NEXMIF: variants seen among roughly 807,000 people sequenced by gnomAD.
NEXMIF encodes the protein XLMR protein related to neurite extension.
In NEXMIF, 8 loss-of-function variants were observed where a neutral mutation model predicts 62.1. The ratio of observed to expected loss-of-function variants is 0.13; its 90% CI spans 0.08 to 0.23. The LOEUF is 0.23. NEXMIF is among the 10% of genes least tolerant of loss of function. The pLI is 1.00. For missense variants in NEXMIF, 976 were observed against 1,113.3 expected, an observed-to-expected ratio of 0.88 and a Z score of 1.75; for synonymous variants, 404 against 416.6, an observed-to-expected ratio of 0.97 and a Z score of 0.37.
At chrX:74,789,242 G>A (rs1260074962) in intron 1 of NEXMIF, among the ~76,000 whole-genome samples, 53 of 104,423 alleles carry the variant, frequency 5.1e-4, no homozygotes, top group South Asian at 1.8e-3. Flanking sequence ...TTTTGTTCTT[G>A]TGATAGTTTA....
At chrX:74,760,900 C>T (rs2080173905) in intron 1 of NEXMIF, among the ~76,000 whole-genome samples, 1 of 108,971 alleles carries the variant, frequency 9.2e-6, no homozygotes, top group Non-Finnish European at 1.9e-5. Flanking sequence ...TGGAGTCTCA[C>T]TCTGTTGCCC....
chrX:74,815,659 G>A (rs1323381398), intron 1 of NEXMIF, among the ~76,000 whole-genome samples: 3 of 102,725 alleles, frequency 2.9e-5, no homozygotes, highest in Non-Finnish European at 5.9e-5. Context: ...TTTTGAGATG[G>A]AGTCTCGCTC....
chrX:74,741,153 T>C lies in NEXMIF; in HGVS notation c.3404A>G (p.Gln1135Arg). ...MEDGFTLNNH[Q>R]FQFHMFNDED... ...ATCATTGAACATATGGAACTGAAACTGGTGATTATTTAAAGTAAATCCATC... is the reference window on the plus strand; with the variant it reads ...ATCATTGAACATATGGAACTGAAACCGGTGATTATTTAAAGTAAATCCATC... The change falls in exon 3 of 4, where the codon CAG (glutamine) becomes CGG (arginine). Residue 1135 changes from glutamine to arginine, a missense_variant. This residue lies in a region of NEXMIF where 639 missense variants were observed against 694.5 expected (regional missense o/e 0.92). Coordinates refer to ENST00000055682, the MANE Select transcript of NEXMIF (RefSeq NM_001008537.3). 8.3e-7 allele frequency: 1 copy of C among 1,210,607 alleles called. No homozygotes were observed.
intron 1 of NEXMIF, among the ~76,000 whole-genome samples, chrX:74,819,790 G>T (rs1317313678): frequency 8.9e-6 from 1 of 111,872 alleles, no homozygotes; most frequent in Non-Finnish European, 1.9e-5. Context: ...GATCCCTCAA[G>T]ATTCTAGAAC....
chrX:74,857,010 T>A (rs2080537522), intron 1 of NEXMIF, among the ~76,000 whole-genome samples: 1 of 112,378 alleles, frequency 8.9e-6, no homozygotes, highest in Non-Finnish European at 1.9e-5. Flanking sequence ...TCCCAGCAGT[T>A]GGAATGTGAG....
At chrX:74,803,322 G>A (rs1049226322) in intron 1 of NEXMIF, among the ~76,000 whole-genome samples, 2 of 111,717 alleles carry the variant, frequency 1.8e-5, no homozygotes, top group East Asian at 2.8e-4. Flanking sequence ...AGGCTGAGGC[G>A]GGCAGATCAT....
intron 1 of NEXMIF, among the ~76,000 whole-genome samples, chrX:74,900,457 C>T (rs747234906): frequency 2.7e-3 from 209 of 76,999 alleles, no homozygotes; most frequent in African/African-American, 9.1e-3. Flanking sequence ...AGTGAGACTC[C>T]GTCTCAAAAA....
At chrX:74,904,791 T>G (rs1179164631) in intron 1 of NEXMIF, among the ~76,000 whole-genome samples, 2 of 111,217 alleles carry the variant, frequency 1.8e-5, no homozygotes, top group Non-Finnish European at 3.8e-5. Flanking sequence ...GAGTACAATA[T>G]TCAATGAATG....
intron 1 of NEXMIF, among the ~76,000 whole-genome samples, chrX:74,851,094 C>T (rs1297095019): frequency 1.8e-5 from 2 of 109,435 alleles, no homozygotes; most frequent in African/African-American, 6.7e-5. Flanking sequence ...TCTAAAGCTT[C>T]AACAATAGAC....
intron 1 of NEXMIF, among the ~76,000 whole-genome samples, chrX:74,837,500 T>C (rs182268614): frequency 8.9e-6 from 1 of 112,336 alleles, no homozygotes; most frequent in East Asian, 2.8e-4. Context: ...CAGAAGACCG[T>C]ATCATTATAA....
At chrX:74,773,737 G>A (rs1034701332) in intron 1 of NEXMIF, among the ~76,000 whole-genome samples, 5 of 108,642 alleles carry the variant, frequency 4.6e-5, no homozygotes, top group Non-Finnish European at 7.6e-5. Context: ...GCAAAACCCC[G>A]TCTCTAACTA....
rs147537726 is a variant in NEXMIF at position 74,741,056 on chromosome X, A to T, written c.3501T>A (p.Ser1167Arg). The T allele has an allele frequency of 7.4e-6, 9 of 1,211,292 alleles. No individual in the cohort carries two copies. The highest frequency in any genetic ancestry group is 7.8e-6 in the Non-Finnish European group (7 of 895,206). ...TTGATTTTGACACTTTGTTGTTGGT[A>T]CTAATTTGACCAGATGGATCATTAA... The part of the protein sequence containing the change: ...STFNDPSGQI[S>R]TNNKVSKSRK... The change falls in exon 3 of 4, where the codon AGT (serine) becomes AGA (arginine). Residue 1167 changes from serine (S) to arginine (R), a missense_variant. By Grantham distance (110) the Ser-to-Arg change is moderately radical. Transcript: ENST00000055682.
At chrX:74,768,395 C>T (rs945290507) in intron 1 of NEXMIF, among the ~76,000 whole-genome samples, 12 of 112,312 alleles carry the variant, frequency 1.1e-4, no homozygotes, top group South Asian at 3.7e-4. Context: ...GAAAGCAGCA[C>T]GCATTAGCTG....
chrX:74,899,351 T>C (rs1376192691), intron 1 of NEXMIF, among the ~76,000 whole-genome samples: 1 of 111,525 alleles, frequency 9.0e-6, no homozygotes, highest in African/African-American at 3.3e-5. Flanking sequence ...CAAAAAAAAC[T>C]GTTAGAACTG....
chrX:74,857,748 C>A (rs931810899), intron 1 of NEXMIF, among the ~76,000 whole-genome samples: 3 of 112,101 alleles, frequency 2.7e-5, no homozygotes, highest in Non-Finnish European at 5.6e-5. Flanking sequence ...GATGGCATTT[C>A]TGGACCTGCC....
Position 74,741,741 on chromosome X carries a change from T to C in NEXMIF, c.2816A>G (p.Asn939Ser). The C allele has an allele frequency of 8.3e-7, 1 of 1,211,214 alleles. No homozygotes were observed. Among genetic ancestry groups the C allele is most frequent in the Non-Finnish European group, 1.1e-6 (1 of 895,006 alleles). The change falls in exon 3 of 4, where the codon AAT (asparagine) becomes AGT (serine). Residue 939 changes from asparagine to serine, a missense_variant. Asn to Ser is a conservative substitution (Grantham distance 46). Coordinates refer to ENST00000055682, the MANE Select transcript of NEXMIF (RefSeq NM_001008537.3). ...CTTGTTGCAATTACTGCCACCACTATTGAGACAGATTGGATTGTATGTTGT... is the reference window on the plus strand; with the variant it reads ...CTTGTTGCAATTACTGCCACCACTACTGAGACAGATTGGATTGTATGTTGT... ...TPTTYNPICLNSGGSNCNKVL... is the reference protein window; with the variant it reads ...TPTTYNPICLSSGGSNCNKVL...
chrX:74,815,924 G>A (rs1050019504), intron 1 of NEXMIF, among the ~76,000 whole-genome samples: 6 of 111,208 alleles, frequency 5.4e-5, no homozygotes, highest in African/African-American at 9.8e-5. Flanking sequence ...AGGAACCACC[G>A]TGCCTGGCCT....
intron 1 of NEXMIF, among the ~76,000 whole-genome samples, chrX:74,758,194 G>C (rs955540065): frequency 2.7e-5 from 3 of 109,546 alleles, no homozygotes; most frequent in Admixed American, 2.0e-4. Context: ...AGGGGTTGTA[G>C]GTATTATTTT....
chrX:74,758,742 G>A (rs1319016338), intron 1 of NEXMIF, among the ~76,000 whole-genome samples: 2 of 111,755 alleles, frequency 1.8e-5, no homozygotes, highest in African/African-American at 6.5e-5. Flanking sequence ...ACATGACCTC[G>A]TTCTTTTTTT....
Sources: gnomAD v4.1 joint callset for allele counts (sites outside exome capture counted in the v4.1 genomes callset) on GRCh38, gnomAD v4.1.1 for gene constraint, gnomAD v4.1.1 regional missense constraint, MANE v1.5 for transcripts, NCBI Gene and HGNC (gene_info 2026-07-23, HGNC 2026-07-21) for gene names.